The following DACH2 variants were observed in gnomAD, a reference collection of about 807,000 sequenced individuals.
DACH2 encodes the protein dachshund homolog 2.
DACH2 carries 17 observed loss-of-function variants against 35.8 expected under a neutral mutation model. The ratio of observed to expected loss-of-function variants is 0.48; its 90% CI spans 0.33 to 0.71. The LOEUF is 0.71. DACH2 is among the 30% of genes least tolerant of loss of function. The pLI is 0.02. For synonymous variants in DACH2, 195 were observed against 177.3 expected (o/e 1.10, Z -0.79); for missense variants, 469 against 472.7 (o/e 0.99, Z 0.07).
intron 1 of DACH2, among the ~76,000 whole-genome samples, chrX:86,236,457 C>T (rs1213897486): frequency 1.4e-4 from 16 of 112,060 alleles, no homozygotes. Context: ...GATGGGGATA[C>T]ATTCTAAGAA....
chrX:86,356,568 A>G (rs1217512017), intron 1 of DACH2, among the ~76,000 whole-genome samples: 1 of 111,690 alleles, frequency 9.0e-6, no homozygotes, highest in Non-Finnish European at 1.9e-5. Flanking sequence ...AATTCTATGA[A>G]AAATATCCTT....
chrX:86,656,066 G>A (rs2040537043), intron 4 of DACH2, among the ~76,000 whole-genome samples: 1 of 98,825 alleles, frequency 1.0e-5, no homozygotes, highest in Non-Finnish European at 2.0e-5. Context: ...TGGCCTCGGT[G>A]ATTACATAGA....
chrX:86,323,192 A>G (rs755087879), intron 1 of DACH2, among the ~76,000 whole-genome samples: 1 of 112,399 alleles, frequency 8.9e-6, no homozygotes, highest in South Asian at 3.7e-4. Flanking sequence ...ACATTTGGCA[A>G]GCTGTCCCCA....
At chrX:86,522,467 A>G (rs59839339) in intron 3 of DACH2, among the ~76,000 whole-genome samples, 2,217 of 111,717 alleles carry the variant, frequency 0.02, 47 homozygotes, top group African/African-American at 0.067. Context: ...CTATCGACAT[A>G]TATACTATTG....
chrX:86,671,759 T>C (rs2040767747), intron 4 of DACH2, among the ~76,000 whole-genome samples: 1 of 111,962 alleles, frequency 8.9e-6, no homozygotes, highest in Non-Finnish European at 1.9e-5. Context: ...AGAATATTAG[T>C]ACTGAGGAGT....
At chrX:86,389,089 C>T (rs944412183) in intron 2 of DACH2, among the ~76,000 whole-genome samples, 3 of 111,850 alleles carry the variant, frequency 2.7e-5, no homozygotes, top group Admixed American at 9.5e-5. Flanking sequence ...GAAACTACTG[C>T]TTTCTTTCAA....
intron 11 of DACH2, among the ~76,000 whole-genome samples, chrX:86,819,370 T>TC (rs1203052963): frequency 9.0e-6 from 1 of 110,672 alleles, no homozygotes; most frequent in Non-Finnish European, 1.9e-5. Context: ...ACATCAACCA[T>TC]CTTATCAACC....
intron 6 of DACH2, among the ~76,000 whole-genome samples, chrX:86,737,759 T>G (rs1374514538): frequency 8.9e-6 from 1 of 111,807 alleles, no homozygotes; most frequent in Non-Finnish European, 1.9e-5. Flanking sequence ...TCTTTTAAAA[T>G]AATTTCAACT....
At chrX:86,174,465 T>C (rs1016876907) in intron 1 of DACH2, among the ~76,000 whole-genome samples, 17 of 110,579 alleles carry the variant, frequency 1.5e-4, no homozygotes, top group Non-Finnish European at 3.2e-4. Flanking sequence ...GTAATATTCT[T>C]GATCTCAGAT....
At chrX:86,389,999 A>G (rs2036176667) in intron 2 of DACH2, among the ~76,000 whole-genome samples, 1 of 112,103 alleles carries the variant, frequency 8.9e-6, no homozygotes, top group Non-Finnish European at 1.9e-5. Flanking sequence ...CACCATGGCA[A>G]CAGAGTCTTT....
intron 1 of DACH2, among the ~76,000 whole-genome samples, chrX:86,154,789 A>G (rs1289958181): frequency 1.8e-5 from 2 of 111,558 alleles, no homozygotes; most frequent in Admixed American, 9.6e-5. Context: ...TTATCATGAC[A>G]GATGCATTAA....
At chrX:86,626,475 G>C (rs1016933218) in intron 3 of DACH2, among the ~76,000 whole-genome samples, 2 of 112,666 alleles carry the variant, frequency 1.8e-5, no homozygotes, top group Non-Finnish European at 3.8e-5. Flanking sequence ...GTGGCTCTCT[G>C]CTCAGTGTTC....
intron 2 of DACH2, among the ~76,000 whole-genome samples, chrX:86,465,975 A>G (rs956139116): frequency 8.0e-5 from 9 of 111,802 alleles, no homozygotes; most frequent in East Asian, 2.8e-4. Context: ...AGTGGGCTAC[A>G]TGTATGAATT....
At chrX:86,190,123 C>T (rs2031787724) in intron 1 of DACH2, among the ~76,000 whole-genome samples, 2 of 109,132 alleles carry the variant, frequency 1.8e-5, no homozygotes, top group African/African-American at 3.3e-5. Context: ...AAGATCATGC[C>T]ACTGCACTCC....
chrX:86,554,161 T>A (rs978904380), intron 3 of DACH2, among the ~76,000 whole-genome samples: 17 of 111,116 alleles, frequency 1.5e-4, no homozygotes, highest in Non-Finnish European at 3.0e-4. Context: ...AATACAAGAG[T>A]TTTGATGCTT....
At chrX:86,485,493 TTA>T (rs2038005627) in intron 2 of DACH2, among the ~76,000 whole-genome samples, 1 of 111,448 alleles carries the variant, frequency 9.0e-6, no homozygotes, top group Non-Finnish European at 1.9e-5. Context: ...CAGTAATGTG[TTA>T]TATGTTTCAA....
chrX:86,776,682 C>T (rs1321116932), intron 7 of DACH2, among the ~76,000 whole-genome samples: 4 of 110,860 alleles, frequency 3.6e-5, no homozygotes, highest in Non-Finnish European at 7.5e-5. Context: ...TGGTGTGCTG[C>T]ACCCATTAAC....
At chrX:86,668,364 C>T (rs975156955) in intron 4 of DACH2, among the ~76,000 whole-genome samples, 14 of 111,922 alleles carry the variant, frequency 1.3e-4, no homozygotes, top group African/African-American at 3.2e-4. Context: ...GCCTAAGCTA[C>T]GTAAAATAAA....
chrX:86,317,908 G>T (rs762733085), intron 1 of DACH2, among the ~76,000 whole-genome samples: 1 of 109,571 alleles, frequency 9.1e-6, no homozygotes, highest in Admixed American at 9.7e-5. Context: ...TAGACAAGGT[G>T]TGAGGCCAGT....
Sources: gnomAD v4.1 joint callset for allele counts (sites outside exome capture counted in the v4.1 genomes callset) on GRCh38, gnomAD v4.1.1 for gene constraint, MANE v1.5 for transcripts, NCBI Gene and HGNC (gene_info 2026-07-23, HGNC 2026-07-21) for gene names.